Variants in HECW1 observed in about 807,000 individuals in gnomAD.
The protein encoded by HECW1 is E3 ubiquitin-protein ligase HECW1.
HECW1 carries 61 observed loss-of-function variants against 182.3 expected under a neutral mutation model. The ratio of observed to expected loss-of-function variants is 0.33; its 90% CI spans 0.27 to 0.41. The LOEUF is 0.41. Among genes scored for constraint, HECW1 ranks in the 10% least tolerant of loss-of-function variants. HECW1 has a pLI of 1.00. For synonymous variants in HECW1, 859 were observed against 832.6 expected (o/e 1.03, Z -0.55); for missense variants, 1,739 against 2,108.9 (o/e 0.82, Z 3.44).
In HECW1 at chr7:43,553,668, C is replaced by CAA. The variant is rs773974209; in HGVS notation, c.4511-905_4511-904dup. Among the ~76,000 whole-genome samples, 102 of 33,434 alleles carry CAA rather than the reference C, an allele frequency of 3.1e-3. 3 individuals are homozygous for CAA. Among genetic ancestry groups the CAA allele is most frequent in the African/African-American group, 7.3e-3 (84 of 11,480 alleles). The allele number at this position is 33,434 out of a possible 152,430, so 21.9% of individuals were successfully genotyped here. On this transcript the variant is annotated intron_variant, in intron 28 of 29. Transcript: ENST00000395891. The stretch of plus-strand genomic sequence containing the variant: ...TGGGCAACAGAGCGAGATTCTGTCT[C>CAA]AAAAAAAAAAAAAAAAAAAAGTCTC...
In HECW1 at chr7:43,229,827, A is replaced by T. The variant is rs911718618; in HGVS notation, c.-31-14048A>T. On this transcript the variant is annotated intron_variant, in intron 2 of 29. Transcript: ENST00000395891. Reference sequence around the variant, plus strand: ...AGTGACTTTACAGTGGAGAAATCTGACAGACAGCACCTTAACCAAGAGTTG... The same window carrying T: ...AGTGACTTTACAGTGGAGAAATCTGTCAGACAGCACCTTAACCAAGAGTTG... 2.6e-5 allele frequency among the ~76,000 whole-genome samples: 4 copies of T among 152,344 alleles called. No homozygotes were observed. The East Asian group carries it at 7.7e-4, about 29-fold the overall frequency.
chr7:43,363,213 T>C (rs1816185829), intron 6 of HECW1, among the ~76,000 whole-genome samples: 1 of 152,140 alleles, frequency 6.6e-6, no homozygotes, highest in African/African-American at 2.4e-5. Flanking sequence ...GTACAGCCCC[T>C]TAGGGCAGGA....
intron 8 of HECW1, among the ~76,000 whole-genome samples, chr7:43,412,439 T>G (rs1420549010): frequency 6.6e-6 from 1 of 150,650 alleles, no homozygotes; most frequent in Non-Finnish European, 1.5e-5. Flanking sequence ...ATTTATTTAT[T>G]TATTTATTTA....
chr7:43,353,867 G>C (rs1814766613), intron 5 of HECW1, among the ~76,000 whole-genome samples: 1 of 152,122 alleles, frequency 6.6e-6, no homozygotes. Context: ...ACCACCCCTG[G>C]AAACTCTGAG....
chr7:43,257,706 T>G (rs1196247102), intron 3 of HECW1, among the ~76,000 whole-genome samples: 1 of 152,214 alleles, frequency 6.6e-6, no homozygotes, highest in Non-Finnish European at 1.5e-5. Flanking sequence ...ACCAGGAATT[T>G]TAGCACAAGG....
intron 2 of HECW1, among the ~76,000 whole-genome samples, chr7:43,135,616 A>T (rs1488696470): frequency 2.6e-5 from 4 of 151,886 alleles, no homozygotes; most frequent in Non-Finnish European, 1.5e-5. Context: ...AAGCCAATAA[A>T]GGTAAATTAT....
At chr7:43,424,916 A>C (rs1486630518) in intron 8 of HECW1, among the ~76,000 whole-genome samples, 4 of 152,200 alleles carry the variant, frequency 2.6e-5, no homozygotes, top group Non-Finnish European at 2.9e-5. Context: ...GCTTATGACA[A>C]ACATTTAAAT....
At chr7:43,462,064 C>T (rs935980019) in intron 13 of HECW1, among the ~76,000 whole-genome samples, 4 of 152,182 alleles carry the variant, frequency 2.6e-5, no homozygotes, top group African/African-American at 9.7e-5. Flanking sequence ...AAGGAAAGAG[C>T]GGGGCACTGG....
intron 3 of HECW1, among the ~76,000 whole-genome samples, chr7:43,299,764 T>C (rs1806499190): frequency 6.6e-6 from 1 of 152,242 alleles, no homozygotes; most frequent in Non-Finnish European, 1.5e-5. Flanking sequence ...ACTGAGGTGA[T>C]TCCTCCACAC....
chr7:43,141,575 C>T (rs1400870617), intron 2 of HECW1, among the ~76,000 whole-genome samples: 3 of 152,032 alleles, frequency 2.0e-5, no homozygotes, highest in Admixed American at 6.5e-5. Flanking sequence ...TCTCAGCTCA[C>T]CGCGCCTCCG....
chr7:43,158,294 A>G lies in HECW1; in HGVS notation c.-32+43903A>G, dbSNP rs139953396. ...TATTGGGGAAACACACCAGTTTTCC[A>G]ATTTTCTTTGAGATTCTTATATTCA... On this transcript the variant is annotated intron_variant, in intron 2 of 29. Transcript: ENST00000395891. Among the ~76,000 whole-genome samples the G allele has an allele frequency of 8.6e-4, 131 of 152,306 alleles. 1 individual carries two copies. The highest frequency in any genetic ancestry group is 6.8e-3 in the Middle Eastern group (2 of 294).
At chr7:43,152,061 G>A (rs1789390697) in intron 2 of HECW1, among the ~76,000 whole-genome samples, 2 of 152,232 alleles carry the variant, frequency 1.3e-5, no homozygotes, top group East Asian at 1.9e-4. Context: ...CTAATTGCCT[G>A]ATGACAAAGG....
intron 7 of HECW1, among the ~76,000 whole-genome samples, chr7:43,404,614 T>C (rs770056824): frequency 3.6e-4 from 55 of 152,308 alleles, no homozygotes; most frequent in Admixed American, 6.5e-4. Context: ...AAAGACTCAT[T>C]TATATTTGAG....
chr7:43,265,151 C>T lies in HECW1; in HGVS notation c.27+21219C>T, dbSNP rs1419282944. Among the ~76,000 whole-genome samples the T allele has an allele frequency of 3.3e-5, 5 of 152,114 alleles. No homozygotes were observed. In the East Asian group the frequency reaches 9.7e-4, roughly 29 times the overall value. ...ACCATGTTTTGCTCATTGTCCTAGT[C>T]TATGGGTCGGGAGGGTAGCTCTGCT... is the stretch of plus-strand genomic sequence containing the variant. On this transcript the variant is annotated intron_variant, in intron 3 of 29. Coordinates refer to ENST00000395891, the MANE Select transcript of HECW1 (RefSeq NM_015052.5).
chr7:43,346,427 T>C (rs1167858182), intron 5 of HECW1, among the ~76,000 whole-genome samples: 3 of 152,334 alleles, frequency 2.0e-5, no homozygotes, highest in South Asian at 4.1e-4. Context: ...GAAGATTTTC[T>C]CCCAATATGT....
chr7:43,397,806 T>A (rs2075278601), intron 7 of HECW1, among the ~76,000 whole-genome samples: 1 of 152,198 alleles, frequency 6.6e-6, no homozygotes, highest in Non-Finnish European at 1.5e-5. Context: ...GTCATCTGGA[T>A]GTATATGTGC....
chr7:43,118,150 T>C (rs1431905697), intron 2 of HECW1: 1 of 152,506 alleles, frequency 6.6e-6, no homozygotes, highest in Non-Finnish European at 1.5e-5. Flanking sequence ...TTTATATATT[T>C]AGTGAAGCAG....
At chr7:43,234,795 G>T (rs549476694) in intron 2 of HECW1, among the ~76,000 whole-genome samples, 1 of 152,142 alleles carries the variant, frequency 6.6e-6, no homozygotes, top group South Asian at 2.1e-4. Flanking sequence ...GCTCACTCAC[G>T]TATTGCCTGA....
Position 43,191,826 on chromosome 7 carries a change from T to C in HECW1, c.-31-52049T>C, listed in dbSNP as rs1793940838. ...CTCAAATAATACAGCAAACTCATAT[T>C]ATGCAGTAGAATAGGAGGACTGATG... On this transcript the variant is annotated intron_variant, in intron 2 of 29. Transcript: ENST00000395891. 2.0e-5 allele frequency among the ~76,000 whole-genome samples: 3 copies of C among 152,240 alleles called. No homozygotes were observed. In the South Asian group the frequency reaches 6.2e-4, roughly 32 times the overall value.
Sources: allele counts gnomAD v4.1 joint callset (sites outside exome capture counted in the v4.1 genomes callset), GRCh38; gene constraint gnomAD v4.1.1; transcripts MANE v1.5; gene names NCBI Gene and HGNC (gene_info 2026-07-23, HGNC 2026-07-21).